EMB: variants seen among roughly 807,000 people sequenced by gnomAD.
The protein encoded by EMB is embigin.
Under a neutral mutation model 41.4 loss-of-function variants are expected in EMB, and 31 were observed. That is an observed-to-expected ratio of 0.75 (90% CI 0.56 to 1.01). The LOEUF (loss-of-function observed/expected upper bound fraction) is 1.01. Among genes scored for constraint, EMB ranks in the 50% least tolerant of loss-of-function variants. EMB has a pLI of 0.00. For missense variants in EMB, 379 were observed against 388.3 expected (o/e 0.98, Z 0.20); for synonymous variants, 137 against 140.4 (o/e 0.98, Z 0.17).
rs1466847080 is a variant in EMB, at chr5:50,396,798, G to C, written c.*2475C>G. 1 of 149,874 alleles carries C rather than the reference G, an allele frequency of 6.7e-6. No individual in the cohort carries two copies. The highest frequency in any genetic ancestry group is 1.5e-5 in the Non-Finnish European group (1 of 67,498). 9.3% of individuals were successfully genotyped at this position (149,874 alleles called of 1,614,324 possible). ...GAGGTAGGAAAATCAAGGCATTAGT[G>C]TTGCAGCAGGTGTGGGCAGAGTTGG... On this transcript the variant is annotated 3_prime_UTR_variant, in exon 9 of 9. Transcript: ENST00000303221.
In EMB at chr5:50,434,768, T is replaced by C. The variant is rs559763311; in HGVS notation, c.112+6272A>G. Reference sequence around the variant, plus strand: ...AATAACAACTCTTTAAAGGTAACATTCATAATTTCTATTCTAACATTATTT... The same window carrying C: ...AATAACAACTCTTTAAAGGTAACATCCATAATTTCTATTCTAACATTATTT... On this transcript the variant is annotated intron_variant, in intron 1 of 8. Coordinates refer to ENST00000303221, the MANE Select transcript of EMB (RefSeq NM_198449.3). Among the ~76,000 whole-genome samples, 6 of 152,336 alleles carry C rather than the reference T, an allele frequency of 3.9e-5. No individual in the cohort carries two copies. The East Asian group carries it at 1.2e-3, about 29-fold the overall frequency.
In EMB at chr5:50,411,209, T is replaced by C. The variant is rs1464369565; in HGVS notation, c.371A>G (p.Tyr124Cys). 5 of 1,611,548 alleles carry C rather than the reference T, an allele frequency of 3.1e-6. No homozygotes were observed. The East Asian group carries it at 6.7e-5, about 22-fold the overall frequency. Residue 124 changes from tyrosine to cysteine, a missense_variant, in exon 3 of 9, where the codon TAT becomes TGT. Tyr to Cys is a radical substitution (Grantham distance 194, BLOSUM62 -2). Coordinates refer to ENST00000303221, the MANE Select transcript of EMB (RefSeq NM_198449.3). ...YLVSATGSTLYTQYRFTIINS... is the reference protein window; with the variant it reads ...YLVSATGSTLCTQYRFTIINS... ...TTTGTATACTCACCTGTATTGGGTA[T>C]ACAAGGTGCTTCCTGTTGCACTGAC...
chr5:50,433,727 G>T (rs983296857), intron 1 of EMB, among the ~76,000 whole-genome samples: 1 of 152,196 alleles, frequency 6.6e-6, no homozygotes, highest in Non-Finnish European at 1.5e-5. Context: ...CAAATTAGGT[G>T]TCATAACAAA....
In EMB at chr5:50,420,025, G is replaced by A. The variant is rs574193768; in HGVS notation, c.196+8119C>T. 3.2e-5 allele frequency among the ~76,000 whole-genome samples: 4 copies of A among 125,224 alleles called. No homozygotes were observed. The South Asian group carries it at 1.0e-3, about 32-fold the overall frequency. 82.2% of individuals were successfully genotyped at this position (125,224 alleles called of 152,430 possible). On this transcript the variant is annotated intron_variant, in intron 2 of 8. Transcript: ENST00000303221. ...AGGGGAACAACACACATAGGGGCTTGTCGATGGAGGGCAGGGGTGCAGAGC... is the reference window on the plus strand; with the variant it reads ...AGGGGAACAACACACATAGGGGCTTATCGATGGAGGGCAGGGGTGCAGAGC...
chr5:50,433,078 C>CA (rs55732801), intron 1 of EMB, among the ~76,000 whole-genome samples: 107 of 134,696 alleles, frequency 7.9e-4, no homozygotes, highest in South Asian at 1.6e-3. Flanking sequence ...ACTCTGTCTC[C>CA]AAAAAAAAAA....
chr5:50,437,484 T>C (rs1431223679), intron 1 of EMB, among the ~76,000 whole-genome samples: 1 of 152,172 alleles, frequency 6.6e-6, no homozygotes, highest in Non-Finnish European at 1.5e-5. Context: ...ATCAAACTTT[T>C]CATTGACTCC....
chr5:50,428,259 C>G, intron 1 of EMB, 32 bp from the exon 2 acceptor site: 1 of 1,500,704 alleles, frequency 6.7e-7, no homozygotes, highest in Non-Finnish European at 9.2e-7. Flanking sequence ...ATTACACACT[C>G]TTATCAAGAG....
Position 50,429,997 on chromosome 5 carries a change from T to A in EMB, c.113-1770A>T, listed in dbSNP as rs978826627. The stretch of plus-strand genomic sequence containing the variant: ...CTCTCTCTCTCTCTCTCTCTCTCTC[T>A]CTCTCTCTCACACACACACACACAC... On this transcript the variant is annotated intron_variant, in intron 1 of 8. Coordinates refer to ENST00000303221, the MANE Select transcript of EMB (RefSeq NM_198449.3). Among the ~76,000 whole-genome samples, 282 of 113,744 alleles carry A rather than the reference T, an allele frequency of 2.5e-3. 1 individual carries two copies. Among genetic ancestry groups the A allele is most frequent in the African/African-American group, 8.8e-3 (255 of 29,112 alleles). The allele number at this position is 113,744 out of a possible 152,430, so 74.6% of individuals were successfully genotyped here.
rs112250384 is a variant in EMB, at chr5:50,404,706, T to TA, written c.600+1018dup. Among the ~76,000 whole-genome samples the TA allele has an allele frequency of 1.3e-4, 20 of 151,726 alleles. No individual in the cohort carries two copies. The South Asian group carries it at 1.9e-3, about 14-fold the overall frequency. On this transcript the variant is annotated intron_variant, in intron 5 of 8. Coordinates refer to ENST00000303221, the MANE Select transcript of EMB (RefSeq NM_198449.3). ...TTTGTTTTTACAAAATTACACTTTT[T>TA]AAAAAAAAATTACATATACACAATG...
intron 4 of EMB, among the ~76,000 whole-genome samples, chr5:50,408,184 A>G (rs892720084): frequency 2.6e-5 from 4 of 152,008 alleles, no homozygotes; most frequent in Non-Finnish European, 4.4e-5. Context: ...AAATCTCATC[A>G]TGACTTCCAA....
rs1346112932 is a variant in EMB, at chr5:50,396,521, CAGATT to C, written c.*2747_*2751del. ...TGGGGGCTTCTCTAAGACACAAGATCAGATTAAAGTCTTGAAAGATAATCTGGGGT... is the reference window on the plus strand; with the variant it reads ...TGGGGGCTTCTCTAAGACACAAGATCAAAGTCTTGAAAGATAATCTGGGGT... On this transcript the variant is annotated 3_prime_UTR_variant, in exon 9 of 9. Transcript: ENST00000303221. 38 of 152,078 alleles carry C rather than the reference CAGATT, an allele frequency of 2.5e-4. No individual in the cohort carries two copies. The highest frequency in any genetic ancestry group is 8.9e-4 in the African/African-American group (37 of 41,406). The allele number at this position is 152,078 out of a possible 1,614,324, so 9.4% of individuals were successfully genotyped here. A position where few individuals can be genotyped will look rare whatever the true frequency, so the allele number is the denominator to read the frequency against.
chr5:50,403,122 T>C lies in EMB; in HGVS notation c.877+56A>G, dbSNP rs1037321830. 11 of 1,456,016 alleles carry C rather than the reference T, an allele frequency of 7.6e-6. No individual in the cohort carries two copies. The African/African-American group carries it at 1.3e-4, about 18-fold the overall frequency. 90.2% of individuals were successfully genotyped at this position (1,456,016 alleles called of 1,614,324 possible). A position where few individuals can be genotyped will look rare whatever the true frequency, so the allele number is the denominator to read the frequency against. On this transcript the variant is annotated intron_variant, in intron 6 of 8. Coordinates refer to ENST00000303221, the MANE Select transcript of EMB (RefSeq NM_198449.3). ...CCATATCATAAGTAAATGATACTTATAATTAACTGATAATACTTTCTAAAA... is the reference window on the plus strand; with the variant it reads ...CCATATCATAAGTAAATGATACTTACAATTAACTGATAATACTTTCTAAAA...
At chr5:50,414,125 T>C (rs1406429967) in intron 2 of EMB, among the ~76,000 whole-genome samples, 1 of 152,178 alleles carries the variant, frequency 6.6e-6, no homozygotes, top group Non-Finnish European at 1.5e-5. Context: ...AAGACGGTAG[T>C]ATATCATATA....
intron 2 of EMB, among the ~76,000 whole-genome samples, chr5:50,412,709 T>C (rs1395848886): frequency 6.6e-6 from 1 of 152,080 alleles, no homozygotes; most frequent in Non-Finnish European, 1.5e-5. Context: ...TGCTAATCTA[T>C]CTTTTGTCAG....
intron 1 of EMB, among the ~76,000 whole-genome samples, chr5:50,437,888 T>C: frequency 6.6e-6 from 1 of 152,178 alleles, no homozygotes. Context: ...ATTTGTGTCA[T>C]GTAATAGTAA....
At chr5:50,434,941 G>C (rs1745780299) in intron 1 of EMB, among the ~76,000 whole-genome samples, 1 of 152,130 alleles carries the variant, frequency 6.6e-6, no homozygotes, top group African/African-American at 2.4e-5. Flanking sequence ...CCATATGTGA[G>C]ACCAGCTGTA....
At chr5:50,442,756 T>TG (rs1459334699), upstream of EMB, among the ~76,000 whole-genome samples, 5 of 152,300 alleles carry the variant, frequency 3.3e-5, no homozygotes, top group Non-Finnish European at 5.9e-5. Flanking sequence ...ACCCTGCATC[T>TG]GGTCTCAGGA....
intron 2 of EMB, among the ~76,000 whole-genome samples, chr5:50,426,577 T>C (rs1412413058): frequency 6.6e-6 from 1 of 152,176 alleles, no homozygotes; most frequent in Non-Finnish European, 1.5e-5. Context: ...CGTATTGTAT[T>C]TGAATCTCTC....
chr5:50,419,059 T>C (rs564398314), intron 2 of EMB, among the ~76,000 whole-genome samples: 3 of 152,286 alleles, frequency 2.0e-5, no homozygotes, highest in Non-Finnish European at 4.4e-5. Flanking sequence ...ATAGTACCAG[T>C]TCAGCACATT....
Sources: gnomAD v4.1 joint callset for allele counts (sites outside exome capture counted in the v4.1 genomes callset) on GRCh38, gnomAD v4.1.1 for gene constraint, MANE v1.5 for transcripts, NCBI Gene and HGNC (gene_info 2026-07-23, HGNC 2026-07-21) for gene names.